Variants in TENM2 observed in about 807,000 individuals in gnomAD.
TENM2 encodes teneurin transmembrane protein 2.
Under a neutral mutation model 245.2 loss-of-function variants are expected in TENM2, and 52 were observed. That is an observed-to-expected ratio of 0.21 (90% CI 0.17 to 0.27). The LOEUF (loss-of-function observed/expected upper bound fraction) is 0.27. Ranked by LOEUF, TENM2 falls within the 10% of genes least tolerant of loss-of-function variation. The pLI, the probability that TENM2 is intolerant of heterozygous loss-of-function variation, is 1.00. For missense variants in TENM2, 3,046 were observed against 3,666.8 expected, an observed-to-expected ratio of 0.83 and a Z score of 4.37; for synonymous variants, 1,363 against 1,438.9, an observed-to-expected ratio of 0.95 and a Z score of 1.19.
At chr5:167,831,448 C>G (rs925124253) in intron 2 of TENM2, among the ~76,000 whole-genome samples, 1 of 150,072 alleles carries the variant, frequency 6.7e-6, no homozygotes, top group African/African-American at 2.4e-5. Flanking sequence ...AAGACGACCA[C>G]CAAGCAAGCC....
chr5:167,587,607 TA>T lies in TENM2; in HGVS notation c.502+212135del, dbSNP rs888973508. 5.9e-5 allele frequency among the ~76,000 whole-genome samples: 9 copies of T among 152,322 alleles called. No homozygotes were observed. In the South Asian group the frequency reaches 1.0e-3, roughly 18 times the overall value. ...AGAATTGGAAAAGATTTCAAAGTGATAGAAATTAGATTCCTTTAAAGAGAAG... is the reference window on the plus strand; with the variant it reads ...AGAATTGGAAAAGATTTCAAAGTGATGAAATTAGATTCCTTTAAAGAGAAG... On this transcript the variant is annotated intron_variant, in intron 2 of 28. Transcript: ENST00000518659.
chr5:167,889,631 G>A (rs770116444), intron 3 of TENM2, among the ~76,000 whole-genome samples: 6 of 151,938 alleles, frequency 3.9e-5, no homozygotes, highest in Non-Finnish European at 7.4e-5. Flanking sequence ...TCCTATCAGC[G>A]ATTTTGTTCC....
intron 2 of TENM2, among the ~76,000 whole-genome samples, chr5:167,509,393 C>G (rs551845569): frequency 1.1e-4 from 17 of 152,294 alleles, no homozygotes; most frequent in Non-Finnish European, 5.9e-5. Context: ...TAATTGAGGA[C>G]ATTCAAAATG....
chr5:167,381,055 G>C (rs1230335012), intron 2 of TENM2, among the ~76,000 whole-genome samples: 1 of 152,074 alleles, frequency 6.6e-6, no homozygotes, highest in Non-Finnish European at 1.5e-5. Context: ...ATCAGAAGAA[G>C]CCTGCTCAGA....
At chr5:168,125,047 G>T in exon 11 of TENM2, 1 of 1,605,122 alleles carries the variant, frequency 6.2e-7, no homozygotes, top group Non-Finnish European at 8.5e-7. Context: ...CGACTGCTCT[G>T]TTGGTAAGCC....
chr5:167,955,504 G>A (rs1472667408), intron 4 of TENM2, among the ~76,000 whole-genome samples: 1 of 152,068 alleles, frequency 6.6e-6, no homozygotes, highest in Non-Finnish European at 1.5e-5. Context: ...GGCTTTCTTT[G>A]CCATTGCTTT....
At chr5:167,570,886 T>C (rs1213421785) in intron 2 of TENM2, among the ~76,000 whole-genome samples, 1 of 152,198 alleles carries the variant, frequency 6.6e-6, no homozygotes, top group Non-Finnish European at 1.5e-5. Flanking sequence ...TGAAGGATTT[T>C]ACATTTTACA....
the TENM2 span, among the ~76,000 whole-genome samples, chr5:166,981,473 C>T: frequency 6.6e-6 from 1 of 152,072 alleles, no homozygotes; most frequent in African/African-American, 2.4e-5. Flanking sequence ...CCCAAGGTAC[C>T]TAAAGCGTCA....
intron 2 of TENM2, among the ~76,000 whole-genome samples, chr5:167,562,628 AT>A (rs1773666537): frequency 6.6e-6 from 1 of 152,164 alleles, no homozygotes; most frequent in Non-Finnish European, 1.5e-5. Context: ...AAGTATTCAA[AT>A]GGAAGCCTGT....
chr5:167,886,643 A>C (rs1164253140), intron 3 of TENM2, among the ~76,000 whole-genome samples: 2 of 152,228 alleles, frequency 1.3e-5, no homozygotes, highest in Non-Finnish European at 2.9e-5. Context: ...GAAGGAAGAA[A>C]TTGGCGGTGA....
At chr5:167,389,257 TA>T (rs943338033) in intron 2 of TENM2, among the ~76,000 whole-genome samples, 2 of 150,118 alleles carry the variant, frequency 1.3e-5, no homozygotes, top group Non-Finnish European at 3.0e-5. Flanking sequence ...AAAATATATA[TA>T]TATATATATA....
chr5:167,681,975 T>A (rs1308371754), intron 2 of TENM2, among the ~76,000 whole-genome samples: 1 of 152,060 alleles, frequency 6.6e-6, no homozygotes, highest in Non-Finnish European at 1.5e-5. Context: ...TGTGTGCACA[T>A]GCATTCTGTG....
intron 2 of TENM2, among the ~76,000 whole-genome samples, chr5:167,556,849 A>G (rs1283290771): frequency 6.6e-6 from 1 of 152,164 alleles, no homozygotes; most frequent in Non-Finnish European, 1.5e-5. Context: ...CTTGTATTTT[A>G]GGTGCCCGTG....
intron 2 of TENM2, among the ~76,000 whole-genome samples, chr5:167,745,373 G>T (rs188754178): frequency 7.2e-5 from 11 of 152,316 alleles, no homozygotes; most frequent in Non-Finnish European, 1.6e-4. Flanking sequence ...TCTGCCCAAA[G>T]AAGCCAGTGT....
intron 3 of TENM2, among the ~76,000 whole-genome samples, chr5:167,951,692 G>A (rs1394476662): frequency 2.0e-5 from 3 of 151,976 alleles, no homozygotes; most frequent in African/African-American, 4.8e-5. Flanking sequence ...TCCAGAGACC[G>A]AGTCCTCAGG....
chr5:167,204,823 A>G, the TENM2 span, among the ~76,000 whole-genome samples: 2 of 152,328 alleles, frequency 1.3e-5, no homozygotes, highest in East Asian at 3.9e-4. Context: ...TAAACCCAGA[A>G]AATTGTATTC....
chr5:167,294,622 G>A (rs1318637490), intron 1 of TENM2, among the ~76,000 whole-genome samples: 1 of 151,912 alleles, frequency 6.6e-6, no homozygotes. Context: ...CCTCCTTTAT[G>A]TCCCCTAAAT....
At chr5:167,378,341 T>A (rs1760887898) in intron 2 of TENM2, among the ~76,000 whole-genome samples, 1 of 151,404 alleles carries the variant, frequency 6.6e-6, no homozygotes, top group Admixed American at 6.6e-5. Context: ...GACAGTCCCA[T>A]CAAACAGATG....
At chr5:167,704,364 C>T (rs971091521) in intron 2 of TENM2, among the ~76,000 whole-genome samples, 2 of 152,094 alleles carry the variant, frequency 1.3e-5, no homozygotes, top group African/African-American at 4.8e-5. Context: ...TTTCTGAGAG[C>T]TACAACCATG....
Sources: allele counts gnomAD v4.1 joint callset (sites outside exome capture counted in the v4.1 genomes callset), GRCh38; gene constraint gnomAD v4.1.1; transcripts MANE v1.5; gene names NCBI Gene and HGNC (gene_info 2026-07-23, HGNC 2026-07-21).